SPRYD4: variants seen among roughly 807,000 people sequenced by gnomAD.
SPRYD4 encodes SPRY domain containing 4, also known as SPRY domain-containing protein 4.
SPRYD4 carries 12 observed loss-of-function variants against 16.6 expected under a neutral mutation model. The ratio of observed to expected loss-of-function variants is 0.72; its 90% CI spans 0.46 to 1.17. SPRYD4 has a LOEUF of 1.17. SPRYD4 is among the 50% of genes most tolerant of loss of function. The pLI, the probability that SPRYD4 is intolerant of heterozygous loss-of-function variation, is 0.00. For synonymous variants in SPRYD4, 98 were observed against 105.4 expected (o/e 0.93, Z 0.43); for missense variants, 260 against 260.2 (o/e 1.00, Z 0.00).
At position 56,477,600 on chromosome 12, in the gene SPRYD4, G is replaced by A. The variant is rs1869932130; in HGVS notation, c.*8023G>A. 1.3e-6 allele frequency: 2 copies of A among 1,513,796 alleles called. No homozygotes were observed. The highest frequency in any genetic ancestry group is 1.8e-6 in the Non-Finnish European group (2 of 1,102,954). 93.8% of individuals were successfully genotyped at this position (1,513,796 alleles called of 1,614,324 possible). On this transcript the variant is annotated 3_prime_UTR_variant, in exon 2 of 2. Coordinates refer to ENST00000338146, the MANE Select transcript of SPRYD4 (RefSeq NM_207344.4). ...CCTGGAGAGCTGAACAAATATGAGG[G>A]ATACAGGAACACAGGAGCTTAGAGG... is the stretch of plus-strand genomic sequence containing the variant.
Position 56,478,802 on chromosome 12 carries a change from G to T in SPRYD4, c.*9225G>T. ...GAGATCAGGAGTTCGAGACCAGCCT[G>T]GCCAATATGGCAAAACCCCATCTCT... On this transcript the variant is annotated 3_prime_UTR_variant, in exon 2 of 2. Coordinates refer to ENST00000338146, the MANE Select transcript of SPRYD4 (RefSeq NM_207344.4). 1 of 397,540 alleles carries T rather than the reference G, an allele frequency of 2.5e-6. No individual in the cohort carries two copies. Among genetic ancestry groups the T allele is most frequent in the East Asian group, 5.2e-5 (1 of 19,254 alleles). 24.6% of individuals were successfully genotyped at this position (397,540 alleles called of 1,614,324 possible).
In SPRYD4 at chr12:56,469,284, C is replaced by T. The variant is rs117958275; in HGVS notation, c.331C>T (p.Arg111Trp). The change falls in exon 2 of 2, where the codon CGG becomes TGG. Residue 111 changes from arginine to tryptophan, a missense_variant. By Grantham distance (101) the Arg-to-Trp change is moderately radical. Transcript: ENST00000338146. ...RIGVADVDMS[R>W]DSCIGVDDRS... The stretch of plus-strand genomic sequence containing the variant: ...AGGAGTGGCAGATGTGGACATGTCC[C>T]GGGATAGCTGCATTGGTGTTGATGA... 2.6e-3 allele frequency: 4,264 copies of T among 1,614,094 alleles called. 6 individuals carry two copies. Among genetic ancestry groups the T allele is most frequent in the Non-Finnish European group, 3.4e-3 (4,013 of 1,180,020 alleles).
rs778228014 is a variant in SPRYD4, at chr12:56,469,337, G to A, written c.384G>A (p.Gln128=). ...GTTCCTGGGTGTTCACCTATGCCCA[G>A]CGCAAGTGGTACACCATGTTGGCCA... is the stretch of plus-strand genomic sequence containing the variant. ...DDRSWVFTYA[Q]RKWYTMLANE... is the part of the protein sequence containing the mutation. The change falls in exon 2 of 2, where the codon CAG becomes CAA. Residue 128 remains glutamine (Q), a synonymous_variant. Coordinates refer to ENST00000338146, the MANE Select transcript of SPRYD4 (RefSeq NM_207344.4). The A allele has an allele frequency of 1.2e-6, 2 of 1,614,074 alleles. No homozygotes were observed.
chr12:56,468,913 C>CCGCTTGGCATTCTGACTCTTCCCT, intron 1 of SPRYD4, 126 bp from the exon 2 acceptor site: 1 of 1,293,822 alleles, frequency 7.7e-7, no homozygotes, highest in South Asian at 1.5e-5. Flanking sequence ...ACTCTCTTGC[C>CCGCTTGGCATTCTGACTCTTCCCT]CGCTTGGCAT....
Position 56,475,215 on chromosome 12 carries a change from C to A in SPRYD4, c.*5638C>A. 1 of 1,601,794 alleles carries A rather than the reference C, an allele frequency of 6.2e-7. No homozygotes were observed. Among genetic ancestry groups the A allele is most frequent in the South Asian group, 1.1e-5 (1 of 90,816 alleles). On this transcript the variant is annotated 3_prime_UTR_variant, in exon 2 of 2. Coordinates refer to ENST00000338146, the MANE Select transcript of SPRYD4 (RefSeq NM_207344.4). The stretch of plus-strand genomic sequence containing the variant: ...AGACAGAACTACATCACACCACAAA[C>A]TAAATGAACCCCTTTATAACTTCTC...
chr12:56,473,687 G>GT lies in SPRYD4; in HGVS notation c.*4110_*4111insT. ...CTGTACTCTTAACAAGTTTACAAAT[G>GT]ACTGCATGACCACAATCCACCTCAA... On this transcript the variant is annotated 3_prime_UTR_variant, in exon 2 of 2. Coordinates refer to ENST00000338146, the MANE Select transcript of SPRYD4 (RefSeq NM_207344.4). 2 of 1,449,740 alleles carry GT rather than the reference G, an allele frequency of 1.4e-6. No homozygotes were observed. The highest frequency in any genetic ancestry group is 1.8e-6 in the Non-Finnish European group (2 of 1,085,324). 89.8% of individuals were successfully genotyped at this position (1,449,740 alleles called of 1,614,324 possible).
At position 56,475,833 on chromosome 12, in the gene SPRYD4, C is replaced by T. The variant is rs1444099501; in HGVS notation, c.*6256C>T. 7.1e-7 allele frequency: 1 copy of T among 1,408,368 alleles called. No homozygotes were observed. The highest frequency in any genetic ancestry group is 1.0e-6 in the Non-Finnish European group (1 of 996,342). 87.2% of individuals were successfully genotyped at this position (1,408,368 alleles called of 1,614,324 possible). On this transcript the variant is annotated 3_prime_UTR_variant, in exon 2 of 2. Coordinates refer to ENST00000338146, the MANE Select transcript of SPRYD4 (RefSeq NM_207344.4). ...TTCCACATTTCTGGAAATAAGGCTT[C>T]TAGTATGGGCTGGTGCACCTGGTAG...
rs781718105 is a variant in SPRYD4 at position 56,469,364 on chromosome 12, C to A, written c.411C>A (p.Asn137Lys). Residue 137 changes from asparagine (N) to lysine (K), a missense_variant, in exon 2 of 2, where the codon AAC becomes AAA. Asn to Lys is a moderately conservative substitution (Grantham distance 94). Transcript: ENST00000338146. The part of the protein sequence containing the change: ...AQRKWYTMLA[N>K]EKAPVEGIGQ... ...GCAAGTGGTACACCATGTTGGCCAA[C>A]GAGAAAGCCCCAGTTGAGGGTATTG... 5 of 1,614,078 alleles carry A rather than the reference C, an allele frequency of 3.1e-6. No individual in the cohort carries two copies. Among genetic ancestry groups the A allele is most frequent in the Non-Finnish European group, 4.2e-6 (5 of 1,180,022 alleles).
intron 1 of SPRYD4, 181 bp downstream of exon 1, chr12:56,468,857 C>T: frequency 9.7e-7 from 1 of 1,032,824 alleles, no homozygotes; most frequent in South Asian, 1.7e-5. Flanking sequence ...TTACTCAATC[C>T]GAGTTTTTCA....
rs1870105820 is a variant in SPRYD4, at chr12:56,479,410, A to T, written c.*9833A>T. On this transcript the variant is annotated 3_prime_UTR_variant, in exon 2 of 2. Transcript: ENST00000338146. ...CACTATGTCTTGGGATATGAGAAAA[A>T]AAATAAATACCAGAATAATATGTAT... 3 of 493,402 alleles carry T rather than the reference A, an allele frequency of 6.1e-6. No individual in the cohort carries two copies. The highest frequency in any genetic ancestry group is 1.0e-5 in the Non-Finnish European group (3 of 287,354). 30.6% of individuals were successfully genotyped at this position (493,402 alleles called of 1,614,324 possible). A position where few individuals can be genotyped will look rare whatever the true frequency, so the allele number is the denominator to read the frequency against.
chr12:56,468,589 A>G lies in SPRYD4; in HGVS notation c.-3A>G. 6.2e-7 allele frequency: 1 copy of G among 1,613,042 alleles called. No homozygotes were observed. Among genetic ancestry groups the G allele is most frequent in the Non-Finnish European group, 8.5e-7 (1 of 1,179,882 alleles). On this transcript the variant is annotated 5_prime_UTR_variant, in exon 1 of 2. Transcript: ENST00000338146. ...GGCGTGCCCGGTTCATCCAAGGCGC[A>G]AGATGGCGCTGCTTTTTGCACGTTC...
At position 56,471,006 on chromosome 12, in the gene SPRYD4, T is replaced by C. The variant is rs1410650118; in HGVS notation, c.*1429T>C. On this transcript the variant is annotated 3_prime_UTR_variant, in exon 2 of 2. Transcript: ENST00000338146. ...CAAAATACTTTCTCTGTCTATAAAATTGGCTGTTAGCAGTAGCAGCAGCAT... is the reference window on the plus strand; with the variant it reads ...CAAAATACTTTCTCTGTCTATAAAACTGGCTGTTAGCAGTAGCAGCAGCAT... 9.2e-6 allele frequency: 2 copies of C among 216,448 alleles called. No individual in the cohort carries two copies. Among genetic ancestry groups the C allele is most frequent in the East Asian group, 9.8e-5 (1 of 10,158 alleles). The allele number at this position is 216,448 out of a possible 1,614,324, so 13.4% of individuals were successfully genotyped here. A position where few individuals can be genotyped will look rare whatever the true frequency, so the allele number is the denominator to read the frequency against.
rs1400302048 is a variant in SPRYD4, at chr12:56,478,443, C to T, written c.*8866C>T. On this transcript the variant is annotated 3_prime_UTR_variant, in exon 2 of 2. Transcript: ENST00000338146. ...AGCCTTAAGTCCTAGAAGGCCATAT[C>T]TTTGTGTATCCGCAATCCTGTAGAG... The T allele has an allele frequency of 1.6e-6, 1 of 615,190 alleles. No homozygotes were observed. The highest frequency in any genetic ancestry group is 1.8e-5 in the African/African-American group (1 of 54,124). The allele number at this position is 615,190 out of a possible 1,614,324, so 38.1% of individuals were successfully genotyped here.
In SPRYD4 at chr12:56,475,263, C is replaced by A; in HGVS notation, c.*5686C>A. 1 of 1,553,898 alleles carries A rather than the reference C, an allele frequency of 6.4e-7. No individual in the cohort carries two copies. ...CTCACAGTAATATTAGAGGAAATTT[C>A]TGAACCTGAGCAAACACTCAGCATA... is the stretch of plus-strand genomic sequence containing the variant. On this transcript the variant is annotated 3_prime_UTR_variant, in exon 2 of 2. Transcript: ENST00000338146.
rs778917895 is a variant in SPRYD4, at chr12:56,468,665, A to C, written c.74A>C (p.Glu25Ala). The C allele has an allele frequency of 1.2e-6, 2 of 1,613,918 alleles. No individual in the cohort carries two copies. Among genetic ancestry groups the C allele is most frequent in the Non-Finnish European group, 1.7e-6 (2 of 1,179,758 alleles). The change falls in exon 1 of 2, where the codon GAG becomes GCG. Residue 25 changes from glutamate to alanine, a missense_variant. Transcript: ENST00000338146. The stretch of plus-strand genomic sequence containing the variant: ...AAACGATTGGGAGTTGCCTCCACAG[A>C]GGCCCAGAGAGGTAGGATTATCTCT... ...GAKRLGVAST[E>A]AQRGVSFKLE... is the part of the protein sequence containing the mutation.
In SPRYD4 at chr12:56,472,946, G is replaced by T; in HGVS notation, c.*3369G>T. 1.7e-6 allele frequency: 1 copy of T among 573,608 alleles called. No homozygotes were observed. Among genetic ancestry groups the T allele is most frequent in the Non-Finnish European group, 3.0e-6 (1 of 332,082 alleles). 35.5% of individuals were successfully genotyped at this position (573,608 alleles called of 1,614,324 possible). A position where few individuals can be genotyped will look rare whatever the true frequency, so the allele number is the denominator to read the frequency against. ...TCTGTCGTTCAGGCTGAAGTGTAGT[G>T]GCGCGCGGTCTTGGCTCACTGCAAC... On this transcript the variant is annotated 3_prime_UTR_variant, in exon 2 of 2. Transcript: ENST00000338146.
At position 56,477,435 on chromosome 12, in the gene SPRYD4, G is replaced by A. The variant is rs573891695; in HGVS notation, c.*7858G>A. Reference sequence around the variant, plus strand: ...CTCTAGGCTCTAGACTCATGGGTGGGGGCAGGGAACAGTACTGAGTGGGGA... The same window carrying A: ...CTCTAGGCTCTAGACTCATGGGTGGAGGCAGGGAACAGTACTGAGTGGGGA... On this transcript the variant is annotated 3_prime_UTR_variant, in exon 2 of 2. Coordinates refer to ENST00000338146, the MANE Select transcript of SPRYD4 (RefSeq NM_207344.4). 1.8e-4 allele frequency: 81 copies of A among 445,488 alleles called. No individual in the cohort carries two copies. Among genetic ancestry groups the A allele is most frequent in the Non-Finnish European group, 2.8e-4 (69 of 248,580 alleles). 27.6% of individuals were successfully genotyped at this position (445,488 alleles called of 1,614,324 possible).
In SPRYD4 at chr12:56,477,513, T is replaced by A; in HGVS notation, c.*7936T>A. The A allele has an allele frequency of 1.4e-6, 1 of 713,042 alleles. No homozygotes were observed. The highest frequency in any genetic ancestry group is 2.4e-6 in the Non-Finnish European group (1 of 414,888). The allele number at this position is 713,042 out of a possible 1,614,324, so 44.2% of individuals were successfully genotyped here. A position where few individuals can be genotyped will look rare whatever the true frequency, so the allele number is the denominator to read the frequency against. On this transcript the variant is annotated 3_prime_UTR_variant, in exon 2 of 2. Transcript: ENST00000338146. The stretch of plus-strand genomic sequence containing the variant: ...TGACATTGTCAGCATAACATGTGGG[T>A]CCCTGCTGTGCCTCATGTGCCTTCT...
At position 56,472,544 on chromosome 12, in the gene SPRYD4, C is replaced by A; in HGVS notation, c.*2967C>A. 3 of 726,314 alleles carry A rather than the reference C, an allele frequency of 4.1e-6. No individual in the cohort carries two copies. The highest frequency in any genetic ancestry group is 6.8e-6 in the Non-Finnish European group (3 of 440,652). 45.0% of individuals were successfully genotyped at this position (726,314 alleles called of 1,614,324 possible). A position where few individuals can be genotyped will look rare whatever the true frequency, so the allele number is the denominator to read the frequency against. On this transcript the variant is annotated 3_prime_UTR_variant, in exon 2 of 2. Transcript: ENST00000338146. ...GTTTACTTTTTTTAAAAAAAATCTC[C>A]TTTTTTAAAAAAATTTCATTTAAAT...
Sources: allele counts gnomAD v4.1 joint callset, GRCh38; gene constraint gnomAD v4.1.1; transcripts MANE v1.5; gene names NCBI Gene and HGNC (gene_info 2026-07-23, HGNC 2026-07-21).